Variants in CAMTA1 observed in about 807,000 individuals in gnomAD.
CAMTA1 encodes calmodulin-binding transcription activator 1.
CAMTA1 carries 27 observed loss-of-function variants against 170.9 expected under a neutral mutation model. The observed-to-expected ratio is 0.16, with a 90% CI of 0.12 to 0.22. The LOEUF (loss-of-function observed/expected upper bound fraction) is 0.22, where lower values mean the gene tolerates loss of function less well. Ranked by LOEUF, CAMTA1 falls within the 10% of genes least tolerant of loss-of-function variation. The probability of loss-of-function intolerance (pLI) is 1.00; values close to 1 mark genes in which losing one functional copy is unlikely to be tolerated. For missense variants in CAMTA1, 1,619 were observed against 2,217.2 expected (o/e 0.73, Z 5.42); for synonymous variants, 833 against 891.5 (o/e 0.93, Z 1.17).
chr1:7,640,626 G>C (rs1161000121), intron 7 of CAMTA1, 73 bp downstream of exon 7: 4 of 1,564,154 alleles, frequency 2.6e-6, no homozygotes, highest in Non-Finnish European at 2.6e-6. Flanking sequence ...GGGCCAGGAA[G>C]GTCCTCTGTG....
rs1353769061 is a variant in CAMTA1, at chr1:7,746,035, C to G, written c.4561C>G (p.Gln1521Glu). ...FAQLTLSDHE[Q>E]RELYEAARLV... is the part of the protein sequence containing the mutation. ...TCAGCTCACTCTGTCTGATCATGAA[C>G]AGAGAGAACTCTATGAGGCTGCCAG... The change falls in exon 18 of 23, where the codon CAG becomes GAG. Residue 1521 changes from glutamine (Q) to glutamate (E), a missense_variant. Coordinates refer to ENST00000303635, the MANE Select transcript of CAMTA1 (RefSeq NM_015215.4). The G allele has an allele frequency of 6.2e-7, 1 of 1,614,198 alleles. No individual in the cohort carries two copies. The highest frequency in any genetic ancestry group is 1.7e-5 in the Admixed American group (1 of 60,030).
chr1:6,936,035 C>T (rs762959461), intron 3 of CAMTA1, among the ~76,000 whole-genome samples: 2 of 152,192 alleles, frequency 1.3e-5, no homozygotes, highest in Non-Finnish European at 2.9e-5. Flanking sequence ...TGGAGGATGG[C>T]CTCAGAGAAT....
chr1:7,223,124 C>T (rs1661098327), intron 4 of CAMTA1, among the ~76,000 whole-genome samples: 1 of 152,158 alleles, frequency 6.6e-6, no homozygotes, highest in Non-Finnish European at 1.5e-5. Flanking sequence ...AGGCCTTTGC[C>T]TTGCCTTTAC....
At chr1:6,876,577 G>C (rs1365079112) in intron 3 of CAMTA1, among the ~76,000 whole-genome samples, 2 of 152,204 alleles carry the variant, frequency 1.3e-5, no homozygotes, top group East Asian at 1.9e-4. Flanking sequence ...TGGCTAGGCT[G>C]GTCTCGAACT....
At chr1:7,542,879 G>GTGTGTGTGTGTGTT (rs1459264062) in intron 6 of CAMTA1, among the ~76,000 whole-genome samples, 5,658 of 138,074 alleles carry the variant, frequency 0.041, 231 homozygotes, top group Middle Eastern at 0.062. Context: ...GTGTGTGTGT[G>GTGTGTGTGTGTGTT]TTTGAGCCGG....
chr1:7,350,276 A>G (rs1287549528), intron 5 of CAMTA1, among the ~76,000 whole-genome samples: 1 of 152,128 alleles, frequency 6.6e-6, no homozygotes, highest in East Asian at 1.9e-4. Context: ...CTAGAGCCCC[A>G]GGAGGGTCCC....
chr1:7,741,755 T>C (rs1408722118), intron 16 of CAMTA1, among the ~76,000 whole-genome samples: 1 of 151,238 alleles, frequency 6.6e-6, no homozygotes, highest in Non-Finnish European at 1.5e-5. Context: ...ATTAGCCAGG[T>C]GTGTTGGCAG....
chr1:7,508,881 C>T lies in CAMTA1; in HGVS notation c.510+40980C>T, dbSNP rs531395832. 3.3e-5 allele frequency among the ~76,000 whole-genome samples: 5 copies of T among 152,328 alleles called. No individual in the cohort carries two copies. In the South Asian group the frequency reaches 6.2e-4, roughly 19 times the overall value. Reference sequence around the variant, plus strand: ...CTAGCTCCCTGCAAACCTTCTCCCCCTCTTGATTTCTGCAACTCACTCAGC... The same window carrying T: ...CTAGCTCCCTGCAAACCTTCTCCCCTTCTTGATTTCTGCAACTCACTCAGC... On this transcript the variant is annotated intron_variant, in intron 6 of 22. Transcript: ENST00000303635.
intron 4 of CAMTA1, among the ~76,000 whole-genome samples, chr1:7,230,043 C>T (rs753512731): frequency 3.6e-4 from 54 of 152,076 alleles, no homozygotes; most frequent in African/African-American, 5.3e-4. Flanking sequence ...TCTGAGCAGC[C>T]GGAGAAGGGG....
rs1025523295 is a variant in CAMTA1, at chr1:7,580,625, A to C, written c.511-59775A>C. On this transcript the variant is annotated intron_variant, in intron 6 of 22. Coordinates refer to ENST00000303635, the MANE Select transcript of CAMTA1 (RefSeq NM_015215.4). The surrounding 1 kb of genome is among the most constrained non-coding windows in gnomAD (Gnocchi z 4.3). ...GACAGCCGTGTCAGAGACTGATAAT[A>C]CTGCTCATTCTCGGTGGCACCAAAG... Among the ~76,000 whole-genome samples the C allele has an allele frequency of 6.6e-6, 1 of 151,620 alleles. No homozygotes were observed. The highest frequency in any genetic ancestry group is 1.9e-4 in the East Asian group (1 of 5,136).
chr1:7,569,404 CCAT>C (rs1262667119), intron 6 of CAMTA1, among the ~76,000 whole-genome samples: 47 of 149,878 alleles, frequency 3.1e-4, no homozygotes, highest in African/African-American at 8.6e-4. Context: ...CACCACATCA[CCAT>C]CATCATCATC....
intron 6 of CAMTA1, among the ~76,000 whole-genome samples, chr1:7,577,738 G>C (rs1203970418): frequency 3.9e-5 from 6 of 152,118 alleles, no homozygotes; most frequent in African/African-American, 1.2e-4. Context: ...AGTATATTCT[G>C]CTTTGTGGTC....
At chr1:7,601,366 C>T (rs2095441072) in intron 6 of CAMTA1, among the ~76,000 whole-genome samples, 1 of 151,634 alleles carries the variant, frequency 6.6e-6, no homozygotes, top group South Asian at 2.1e-4. Flanking sequence ...GAGGCGCTCC[C>T]CACATCTCAG....
intron 5 of CAMTA1, among the ~76,000 whole-genome samples, chr1:7,289,131 C>T (rs754628549): frequency 1.3e-5 from 2 of 152,072 alleles, no homozygotes; most frequent in African/African-American, 2.4e-5. Flanking sequence ...AGAACTCACT[C>T]GCTGTCATGA....
intron 6 of CAMTA1, among the ~76,000 whole-genome samples, chr1:7,478,103 G>A (rs945500094): frequency 6.6e-6 from 1 of 152,184 alleles, no homozygotes; most frequent in African/African-American, 2.4e-5. Context: ...TTTTGGACTC[G>A]GCAGCCCCCT....
At chr1:7,151,486 G>C (rs1031852961) in intron 4 of CAMTA1, among the ~76,000 whole-genome samples, 2 of 152,162 alleles carry the variant, frequency 1.3e-5, no homozygotes, top group African/African-American at 4.8e-5. Context: ...GCCTTCCACT[G>C]CCTGGAGCCA....
At chr1:7,135,343 G>C (rs1489822257) in intron 4 of CAMTA1, among the ~76,000 whole-genome samples, 2 of 152,142 alleles carry the variant, frequency 1.3e-5, no homozygotes, top group African/African-American at 4.8e-5. Flanking sequence ...AGTTGAGATT[G>C]TGCCACTGCA....
At chr1:6,917,521 A>G (rs915215387) in intron 3 of CAMTA1, among the ~76,000 whole-genome samples, 4 of 151,452 alleles carry the variant, frequency 2.6e-5, no homozygotes, top group African/African-American at 9.7e-5. Context: ...TTGGTAAGAA[A>G]AGGAATCTGT....
At chr1:7,620,024 G>T (rs2095586853) in intron 6 of CAMTA1, among the ~76,000 whole-genome samples, 2 of 152,136 alleles carry the variant, frequency 1.3e-5, no homozygotes, top group South Asian at 4.1e-4. Flanking sequence ...AAGAAAATGG[G>T]CCCTCCCAGA....
Sources: gnomAD v4.1 joint callset for allele counts (sites outside exome capture counted in the v4.1 genomes callset) on GRCh38, gnomAD v4.1.1 for gene constraint, Gnocchi (gnomAD v3.1) non-coding constraint, MANE v1.5 for transcripts, NCBI Gene and HGNC (gene_info 2026-07-23, HGNC 2026-07-21) for gene names.